The following PCM1 variants were observed in gnomAD, a reference collection of about 807,000 sequenced individuals.
PCM1 encodes the protein pericentriolar material 1 protein.
In PCM1, 157 loss-of-function variants were observed where a neutral mutation model predicts 241.9. The ratio of observed to expected loss-of-function variants is 0.65; its 90% CI spans 0.57 to 0.74. The LOEUF (loss-of-function observed/expected upper bound fraction) is 0.74, where lower values mean the gene tolerates loss of function less well. Ranked by LOEUF, PCM1 falls within the 30% of genes least tolerant of loss-of-function variation. The pLI, the probability that PCM1 is intolerant of heterozygous loss-of-function variation, is 0.00. For synonymous variants in PCM1, 1,085 were observed against 784.9 expected (o/e 1.38, Z -6.39); for missense variants, 3,478 against 2,360.1 (o/e 1.47, Z -9.81).
chr8:17,958,866 T>G (rs973465414), intron 13 of PCM1, among the ~76,000 whole-genome samples: 1 of 152,084 alleles, frequency 6.6e-6, no homozygotes. Flanking sequence ...GAATTACAGA[T>G]GTGTACCACC....
chr8:17,997,261 A>G (rs1171654036), intron 29 of PCM1, among the ~76,000 whole-genome samples: 1 of 152,184 alleles, frequency 6.6e-6, no homozygotes, highest in African/African-American at 2.4e-5. Flanking sequence ...ACTGCCAGAT[A>G]TATTGGAACC....
intron 7 of PCM1, among the ~76,000 whole-genome samples, chr8:17,949,500 C>G (rs1283989201): frequency 7.1e-6 from 1 of 141,746 alleles, no homozygotes. Context: ...TTTTCTTTAT[C>G]TTTTTTTTTT....
rs570883512 is a variant in PCM1, at chr8:17,964,812, A to C, written c.2855+44A>C. The C allele has an allele frequency of 4.5e-4, 667 of 1,474,728 alleles. 6 individuals are homozygous for C. The Admixed American group carries it at 0.011, about 23-fold the overall frequency. 91.4% of individuals were successfully genotyped at this position (1,474,728 alleles called of 1,614,324 possible). On this transcript the variant is annotated intron_variant, in intron 18 of 38. Coordinates refer to ENST00000325083, the MANE Select transcript of PCM1 (RefSeq NM_006197.4). ...ATTTTGTGCTTAATTTAAGAGGCTC[A>C]GGTCTTTTTGACTGACAGCAAGCAC...
At chr8:17,926,342 C>CTTAGTTCTGT (rs1429017509) in intron 2 of PCM1, 1 of 152,068 alleles carries the variant, frequency 6.6e-6, no homozygotes, top group Non-Finnish European at 1.5e-5. Context: ...ATTCACAGTA[C>CTTAGTTCTGT]AGAACTAAGA....
intron 1 of PCM1, among the ~76,000 whole-genome samples, chr8:17,923,450 G>A (rs1053486599): frequency 6.6e-6 from 1 of 152,188 alleles, no homozygotes; most frequent in African/African-American, 2.4e-5. Context: ...TTGCCTCCTC[G>A]CCCCTCCTGC....
chr8:17,955,068 A>G (rs17514360), intron 9 of PCM1, among the ~76,000 whole-genome samples: 71,436 of 151,938 alleles, frequency 0.47, 18,830 homozygotes, highest in Non-Finnish European at 0.61. Context: ...CACATGATTC[A>G]TAGTGGCCCT....
Position 18,010,643 on chromosome 8 carries a change from C to A in PCM1, c.5195C>A (p.Ala1732Asp), listed in dbSNP as rs765075936. Residue 1732 changes from alanine (A) to aspartate (D), a missense_variant, in exon 32 of 39, where the codon GCT (alanine) becomes GAT (aspartate). Physicochemically the swap from Ala to Asp is moderately radical, Grantham distance 126. Transcript: ENST00000325083. ...KRILEDHGSP[A>D]GEIDDEDKDK... Reference sequence around the variant, plus strand: ...ATTCTTGAAGATCATGGCTCACCTGCTGGAGAGATTGATGATGAAGACAAA... The same window carrying A: ...ATTCTTGAAGATCATGGCTCACCTGATGGAGAGATTGATGATGAAGACAAA... 3.4e-5 allele frequency: 55 copies of A among 1,603,680 alleles called. No homozygotes were observed. The highest frequency in any genetic ancestry group is 4.6e-5 in the Non-Finnish European group (54 of 1,175,182).
chr8:17,975,348 A>G (rs1394649127), intron 23 of PCM1, among the ~76,000 whole-genome samples: 1 of 152,056 alleles, frequency 6.6e-6, no homozygotes, highest in Non-Finnish European at 1.5e-5. Flanking sequence ...TTTTTAGTAG[A>G]GACGGGGTTT....
chr8:17,955,800 T>C, intron 10 of PCM1, 147 bp downstream of exon 10: 1 of 666,930 alleles, frequency 1.5e-6, no homozygotes, highest in South Asian at 1.8e-5. Flanking sequence ...GGCGTGTGTG[T>C]GTTGTGTGGG....
chr8:17,942,340 G>A (rs778391856), intron 6 of PCM1, among the ~76,000 whole-genome samples: 4 of 152,144 alleles, frequency 2.6e-5, no homozygotes, highest in East Asian at 1.9e-4. Flanking sequence ...GGTGGCGCAC[G>A]CCTGTAATCC....
At chr8:17,944,807 T>C (rs2063260725) in intron 6 of PCM1, among the ~76,000 whole-genome samples, 1 of 152,148 alleles carries the variant, frequency 6.6e-6, no homozygotes, top group Non-Finnish European at 1.5e-5. Context: ...AATGTGAAAG[T>C]TATTAAGTAG....
At chr8:17,960,292 A>G in intron 14 of PCM1, 23 bp from the exon 15 acceptor site, 1 of 1,593,094 alleles carries the variant, frequency 6.3e-7, no homozygotes. Flanking sequence ...GAGTCCATAA[A>G]TATAATGTCA....
At chr8:17,970,687 A>C (rs904894834) in intron 22 of PCM1, among the ~76,000 whole-genome samples, 7 of 152,230 alleles carry the variant, frequency 4.6e-5, no homozygotes, top group Non-Finnish European at 4.4e-5. Flanking sequence ...ACATTTATTC[A>C]AAGCTTCGGT....
chr8:17,967,985 T>C (rs1218646982), intron 21 of PCM1, among the ~76,000 whole-genome samples: 1 of 151,068 alleles, frequency 6.6e-6, no homozygotes, highest in East Asian at 2.0e-4. Context: ...TGAATGCTTA[T>C]AGTACAGTGC....
chr8:17,943,147 T>C (rs1227576619), intron 6 of PCM1, among the ~76,000 whole-genome samples: 2 of 151,778 alleles, frequency 1.3e-5, no homozygotes, highest in South Asian at 2.1e-4. Context: ...GACTACACTT[T>C]CCCATTTTGT....
At position 17,960,122 on chromosome 8, in the gene PCM1, G is replaced by A. The variant is rs746090966; in HGVS notation, c.2149G>A (p.Ala717Thr). The change falls in exon 14 of 39, where the codon GCC becomes ACC. Residue 717 changes from alanine to threonine, a missense_variant. Ala to Thr is a moderately conservative substitution (Grantham distance 58). Transcript: ENST00000325083. ...AAATTCAAATAACACTAGAGGAAAT[G>A]CCAATAAAACACAGAAAGATACTGG... ...KQNSNNTRGN[A>T]NKTQKDTGVN... is the part of the protein sequence containing the mutation. 4.4e-6 allele frequency: 7 copies of A among 1,596,632 alleles called. No homozygotes were observed. Among genetic ancestry groups the A allele is most frequent in the Non-Finnish European group, 6.0e-6 (7 of 1,170,266 alleles).
chr8:17,980,650 T>G lies in PCM1; in HGVS notation c.4003T>G (p.Ser1335Ala), dbSNP rs1433965294. The G allele has an allele frequency of 6.2e-7, 1 of 1,613,366 alleles. No individual in the cohort carries two copies. The highest frequency in any genetic ancestry group is 2.2e-5 in the East Asian group (1 of 44,860). ...CEPCKSRNRH[S>A]AQTEEPVQAK... ...ACCTTGCAAAAGTAGGAACAGACAT[T>G]CAGCCCAGACTGAAGAGCCTGTTCA... The change falls in exon 24 of 39, where the codon TCA becomes GCA. Residue 1335 changes from serine (S) to alanine (A), a missense_variant. Coordinates refer to ENST00000325083, the MANE Select transcript of PCM1 (RefSeq NM_006197.4).
In PCM1 at chr8:18,011,743, A is replaced by T; in HGVS notation, c.5427A>T (p.Glu1809Asp). Reference sequence around the variant, plus strand: ...ATGAAAATGAGGATGAAGAAATGGAAGAATTTGAAGAAGGCCCTGTGGATG... The same window carrying T: ...ATGAAAATGAGGATGAAGAAATGGATGAATTTGAAGAAGGCCCTGTGGATG... ...GEDENEDEEM[E>D]EFEEGPVDVQ... The change falls in exon 34 of 39, where the codon GAA becomes GAT. Residue 1809 changes from glutamate to aspartate, a missense_variant. Physicochemically the swap from Glu to Asp is conservative, Grantham distance 45. Coordinates refer to ENST00000325083, the MANE Select transcript of PCM1 (RefSeq NM_006197.4). 1 of 1,613,746 alleles carries T rather than the reference A, an allele frequency of 6.2e-7. No homozygotes were observed. Among genetic ancestry groups the T allele is most frequent in the Non-Finnish European group, 8.5e-7 (1 of 1,179,742 alleles).
At chr8:17,954,751 AATCTTT>A (rs1185075568) in intron 9 of PCM1, among the ~76,000 whole-genome samples, 3 of 152,240 alleles carry the variant, frequency 2.0e-5, no homozygotes, top group Non-Finnish European at 4.4e-5. Flanking sequence ...AAAGATTCTT[AATCTTT>A]AATTCCTCTT....
Sources: allele counts gnomAD v4.1 joint callset (sites outside exome capture counted in the v4.1 genomes callset), GRCh38; gene constraint gnomAD v4.1.1; transcripts MANE v1.5; gene names NCBI Gene and HGNC (gene_info 2026-07-23, HGNC 2026-07-21).